The following C12orf56 variants were observed in gnomAD, a reference collection of about 807,000 sequenced individuals.
C12orf56 encodes the protein uncharacterized protein C12orf56.
Under a neutral mutation model 69.9 loss-of-function variants are expected in C12orf56, and 71 were observed. That is an observed-to-expected ratio of 1.02 (90% confidence interval 0.84 to 1.24). The LOEUF (loss-of-function observed/expected upper bound fraction) is 1.24. Among genes scored for constraint, C12orf56 ranks in the 50% most tolerant of loss-of-function variants. The pLI is 0.00. For synonymous variants in C12orf56, 276 were observed against 274.1 expected (o/e 1.01, Z -0.07); for missense variants, 732 against 738.5 (o/e 0.99, Z 0.10).
intron 1 of C12orf56, among the ~76,000 whole-genome samples, chr12:64,375,585 G>A (rs1225991342): frequency 2.0e-5 from 3 of 152,172 alleles, no homozygotes; most frequent in African/African-American, 7.2e-5. Flanking sequence ...GAGGAGCATA[G>A]AGGCTGGCCA....
chr12:64,278,979 G>A (rs2038090198), intron 8 of C12orf56, among the ~76,000 whole-genome samples: 1 of 152,144 alleles, frequency 6.6e-6, no homozygotes, highest in Middle Eastern at 3.2e-3. Flanking sequence ...ATTCCATTGT[G>A]TATATGTACC....
At position 64,366,009 on chromosome 12, in the gene C12orf56, T is replaced by C. The variant is rs539588510; in HGVS notation, c.253-12953A>G. ...ATAATATATAGTTTATATTATTATATATAATATATAGCTTGTATAATATAT... is the reference window on the plus strand; with the variant it reads ...ATAATATATAGTTTATATTATTATACATAATATATAGCTTGTATAATATAT... On this transcript the variant is annotated intron_variant, in intron 1 of 12. Coordinates refer to ENST00000543942, the MANE Select transcript of C12orf56 (RefSeq NM_001170633.2). 2.3e-4 allele frequency among the ~76,000 whole-genome samples: 29 copies of C among 126,774 alleles called. No individual in the cohort carries two copies. The East Asian group carries it at 6.0e-3, about 26-fold the overall frequency. The allele number at this position is 126,774 out of a possible 152,430, so 83.2% of individuals were successfully genotyped here.
chr12:64,307,743 T>A (rs1176525355), intron 5 of C12orf56, among the ~76,000 whole-genome samples: 1 of 151,958 alleles, frequency 6.6e-6, no homozygotes, highest in African/African-American at 2.4e-5. Flanking sequence ...GGCCCAGGGG[T>A]GCAAATCCCA....
At chr12:64,277,651 A>ATAG in intron 9 of C12orf56, 29 bp downstream of exon 9, 1 of 1,181,176 alleles carries the variant, frequency 8.5e-7, no homozygotes, top group Non-Finnish European at 1.1e-6. Flanking sequence ...TATATATATA[A>ATAG]TAGTTTACCC....
At chr12:64,282,498 G>A (rs2038142329) in intron 8 of C12orf56, among the ~76,000 whole-genome samples, 1 of 151,504 alleles carries the variant, frequency 6.6e-6, no homozygotes, top group African/African-American at 2.4e-5. Flanking sequence ...ATGCCGGCTT[G>A]GCACAGTGGC....
intron 1 of C12orf56, among the ~76,000 whole-genome samples, chr12:64,365,831 A>AATATATAGTGTATATATTGTATT (rs1491403991): frequency 4.3e-5 from 6 of 139,356 alleles, no homozygotes; most frequent in South Asian, 2.1e-4. Context: ...TATTATGTAT[A>AATATATAGTGTATATATTGTATT]ATATATAGTG....
intron 3 of C12orf56, 135 bp downstream of exon 3, chr12:64,330,825 T>C (rs1052632130): frequency 3.2e-6 from 2 of 627,160 alleles, no homozygotes; most frequent in East Asian, 5.9e-5. Flanking sequence ...AATACTTTCT[T>C]CCTTATTGCA....
At chr12:64,306,453 T>C (rs1280462749) in intron 5 of C12orf56, among the ~76,000 whole-genome samples, 3 of 151,530 alleles carry the variant, frequency 2.0e-5, no homozygotes, top group African/African-American at 7.3e-5. Context: ...AGTCTTCTTC[T>C]GTCACCCAGG....
At chr12:64,383,635 C>A (rs1272364934) in intron 1 of C12orf56, among the ~76,000 whole-genome samples, 6 of 151,832 alleles carry the variant, frequency 4.0e-5, no homozygotes, top group Admixed American at 2.0e-4. Flanking sequence ...TCAGCCTCCC[C>A]AAGTGCTGGG....
In C12orf56 at chr12:64,293,094, G is replaced by A. The variant is rs1380817079; in HGVS notation, c.1114-7034C>T. 5.3e-5 allele frequency among the ~76,000 whole-genome samples: 8 copies of A among 152,244 alleles called. No individual in the cohort carries two copies. The Middle Eastern group carries it at 0.01, about 194-fold the overall frequency. ...AGCCGGTCTGAAAAGCGCAGTATTC[G>A]GGTGGGAGTGACCCGATTTTCCAGG... On this transcript the variant is annotated intron_variant, in intron 6 of 12. Transcript: ENST00000543942.
At chr12:64,383,980 G>A (rs2039755383) in intron 1 of C12orf56, among the ~76,000 whole-genome samples, 1 of 152,202 alleles carries the variant, frequency 6.6e-6, no homozygotes, top group Non-Finnish European at 1.5e-5. Context: ...TCCTTCAAGA[G>A]TCCTTCATAT....
At chr12:64,348,907 A>G (rs2039184085) in intron 2 of C12orf56, among the ~76,000 whole-genome samples, 1 of 152,256 alleles carries the variant, frequency 6.6e-6, no homozygotes, top group Non-Finnish European at 1.5e-5. Context: ...GAAAAACGTA[A>G]GGACTCATGA....
At position 64,331,013 on chromosome 12, in the gene C12orf56, G is replaced by A. The variant is rs1480909366; in HGVS notation, c.435C>T (p.Gly145=). Residue 145 remains glycine, a synonymous_variant, in exon 3 of 13, where the codon GGC becomes GGT. Coordinates refer to ENST00000543942, the MANE Select transcript of C12orf56 (RefSeq NM_001170633.2). Reference sequence around the variant, plus strand: ...ACTCTTTGCTTCTCCAAAAGGCAAGGCCGTTCTTTTCTTCCTTGACTTAAA... The same window carrying A: ...ACTCTTTGCTTCTCCAAAAGGCAAGACCGTTCTTTTCTTCCTTGACTTAAA... ...NNKKVKEEKN[G]LAFWRSKESR... is the part of the protein sequence containing the mutation. The A allele has an allele frequency of 3.9e-6, 6 of 1,550,684 alleles. No individual in the cohort carries two copies. The South Asian group carries it at 6.0e-5, about 15-fold the overall frequency.
chr12:64,390,303 G>A lies in C12orf56; in HGVS notation c.252+11C>T, dbSNP rs1332699074. On this transcript the variant is annotated intron_variant, in intron 1 of 12. Transcript: ENST00000543942. ...CGCTCCCGAGCCCGCCTGCCCACCC[G>A]CGCCGCTCACCAGGTCAATGGCCAC... 1.3e-6 allele frequency: 2 copies of A among 1,596,230 alleles called. No homozygotes were observed. Among genetic ancestry groups the A allele is most frequent in the Non-Finnish European group, 1.7e-6 (2 of 1,172,480 alleles).
Position 64,338,121 on chromosome 12 carries a change from G to A in C12orf56, c.416-7089C>T, listed in dbSNP as rs918197800. The A allele has an allele frequency of 2.2e-5, 11 of 491,578 alleles. No individual in the cohort carries two copies. The East Asian group carries it at 2.7e-4, about 12-fold the overall frequency. 30.5% of individuals were successfully genotyped at this position (491,578 alleles called of 1,614,324 possible). On this transcript the variant is annotated intron_variant, in intron 2 of 12. Transcript: ENST00000543942. The stretch of plus-strand genomic sequence containing the variant: ...ATTTGTGTTTCTTCAAATATCAGAA[G>A]CTTCCACATCACAGCAGGAGAGCTG...
At position 64,330,984 on chromosome 12, in the gene C12orf56, CT is replaced by C; in HGVS notation, c.463del (p.Arg155GlufsTer3). On this transcript the variant is annotated frameshift_variant, in exon 3 of 13. Transcript: ENST00000543942. LOFTEE classifies it high-confidence loss of function. ...CCTGAGAGGAGATTCTTTCAGACTTCTGGACTCTTTGCTTCTCCAAAAGGCA... is the reference window on the plus strand; with the variant it reads ...CCTGAGAGGAGATTCTTTCAGACTTCGGACTCTTTGCTTCTCCAAAAGGCA... ...GLAFWRSKES[R>X]SLKESPLRDQ... is the part of the protein sequence containing the mutation. 1 of 1,557,112 alleles carries C rather than the reference CT, an allele frequency of 6.4e-7. No individual in the cohort carries two copies. The highest frequency in any genetic ancestry group is 1.9e-5 in the Admixed American group (1 of 51,708).
Position 64,338,536 on chromosome 12 carries a change from C to A in C12orf56, c.416-7504G>T. 3 of 1,336,436 alleles carry A rather than the reference C, an allele frequency of 2.2e-6. No individual in the cohort carries two copies. In the East Asian group the frequency reaches 6.9e-5, roughly 31 times the overall value. 82.8% of individuals were successfully genotyped at this position (1,336,436 alleles called of 1,614,324 possible). A position where few individuals can be genotyped will look rare whatever the true frequency, so the allele number is the denominator to read the frequency against. On this transcript the variant is annotated intron_variant, in intron 2 of 12. Transcript: ENST00000543942. ...ACAAACCTGTGGTAAGGTCATCCCT[C>A]ACTCTGAGGACTTTGAGTCTTGCTT...
chr12:64,276,993 TAAAAAAAAAA>T (rs200351319), intron 9 of C12orf56, among the ~76,000 whole-genome samples: 1 of 69,218 alleles, frequency 1.4e-5, no homozygotes, highest in Non-Finnish European at 2.8e-5. Flanking sequence ...AACCCTTTCT[TAAAAAAAAAA>T]AAAAAAAAAA....
intron 1 of C12orf56, among the ~76,000 whole-genome samples, chr12:64,361,224 A>G (rs1592488319): frequency 6.6e-6 from 1 of 152,298 alleles, no homozygotes. Flanking sequence ...TCTCAGAAAA[A>G]GAAAATAAAA....
Sources: allele counts gnomAD v4.1 joint callset (sites outside exome capture counted in the v4.1 genomes callset), GRCh38; gene constraint gnomAD v4.1.1; transcripts MANE v1.5; gene names NCBI Gene and HGNC (gene_info 2026-07-23, HGNC 2026-07-21).